UNC13C: variants seen among roughly 807,000 people sequenced by gnomAD.
The protein encoded by UNC13C is unc-13 homolog C.
A neutral mutation model predicts 245.4 loss-of-function variants in UNC13C; 174 were observed. The ratio of observed to expected loss-of-function variants is 0.71; its 90% CI spans 0.63 to 0.80. UNC13C has a LOEUF of 0.80. Among genes scored for constraint, UNC13C ranks in the 30% least tolerant of loss-of-function variants. The probability of loss-of-function intolerance (pLI) is 0.00; values close to 1 mark genes in which losing one functional copy is unlikely to be tolerated. For missense variants in UNC13C, 2,829 were observed against 2,602.9 expected (o/e 1.09, Z -1.89); for synonymous variants, 992 against 895.1 (o/e 1.11, Z -1.93).
chr15:54,201,565 A>C (rs1291151648), intron 4 of UNC13C, among the ~76,000 whole-genome samples: 1 of 152,048 alleles, frequency 6.6e-6, no homozygotes, highest in Non-Finnish European at 1.5e-5. Context: ...AACAAAAGTC[A>C]CATGATTATC....
intron 19 of UNC13C, among the ~76,000 whole-genome samples, chr15:54,471,304 C>T (rs1892451354): frequency 6.6e-6 from 1 of 151,518 alleles, no homozygotes; most frequent in African/African-American, 2.4e-5. Flanking sequence ...CTGAAATTCC[C>T]TACAATGATT....
intron 19 of UNC13C, among the ~76,000 whole-genome samples, chr15:54,477,758 G>A (rs1391757738): frequency 6.8e-6 from 1 of 146,744 alleles, no homozygotes; most frequent in Non-Finnish European, 1.5e-5. Flanking sequence ...AAGGATATTG[G>A]TCTAAAATTC....
the UNC13C span, among the ~76,000 whole-genome samples, chr15:53,933,713 G>GT: frequency 5.9e-4 from 90 of 152,230 alleles, no homozygotes; most frequent in East Asian, 4.8e-3. Flanking sequence ...TGCTCCCTCT[G>GT]TTTTCTCAGC....
intron 19 of UNC13C, among the ~76,000 whole-genome samples, chr15:54,422,984 A>AC (rs2040682035): frequency 9.1e-6 from 1 of 109,568 alleles, no homozygotes; most frequent in Admixed American, 9.4e-5. Flanking sequence ...CACACACACA[A>AC]CGAAAAAAAA....
intron 2 of UNC13C, among the ~76,000 whole-genome samples, chr15:54,142,158 C>T (rs1414316564): frequency 6.6e-6 from 1 of 152,112 alleles, no homozygotes; most frequent in Non-Finnish European, 1.5e-5. Flanking sequence ...ATCCTATGAC[C>T]AGGCAAATTT....
intron 17 of UNC13C, among the ~76,000 whole-genome samples, chr15:54,383,848 G>T (rs1475227447): frequency 6.6e-6 from 1 of 151,996 alleles, no homozygotes; most frequent in Non-Finnish European, 1.5e-5. Flanking sequence ...ACAAAAATCA[G>T]TAGCATTTCT....
At chr15:54,410,499 C>T (rs1451147302) in intron 18 of UNC13C, among the ~76,000 whole-genome samples, 1 of 151,856 alleles carries the variant, frequency 6.6e-6, no homozygotes, top group Non-Finnish European at 1.5e-5. Context: ...TTATAGTTTC[C>T]AGTTTTACAT....
chr15:54,425,174 C>G (rs940555746), intron 19 of UNC13C, among the ~76,000 whole-genome samples: 3 of 151,806 alleles, frequency 2.0e-5, no homozygotes, highest in Non-Finnish European at 2.9e-5. Flanking sequence ...TTAGTACCAT[C>G]ACTAGAATGA....
chr15:54,476,090 G>T (rs1892724083), intron 19 of UNC13C, among the ~76,000 whole-genome samples: 1 of 112,832 alleles, frequency 8.9e-6, no homozygotes. Context: ...GTGTCTTTTG[G>T]CTGCATAAAT....
intron 19 of UNC13C, among the ~76,000 whole-genome samples, chr15:54,430,492 G>C (rs1463383828): frequency 6.6e-6 from 1 of 151,404 alleles, no homozygotes; most frequent in Non-Finnish European, 1.5e-5. Context: ...TGAAGGTTTA[G>C]ACATTTTTTA....
At chr15:54,134,064 G>GTGTGTGTA (rs1257598425) in intron 2 of UNC13C, among the ~76,000 whole-genome samples, 1 of 151,968 alleles carries the variant, frequency 6.6e-6, no homozygotes, top group African/African-American at 2.4e-5. Context: ...GTGTGTGTGT[G>GTGTGTGTA]TGTGTGTGTG....
chr15:54,227,554 G>A (rs2035425209), intron 4 of UNC13C, among the ~76,000 whole-genome samples: 1 of 152,186 alleles, frequency 6.6e-6, no homozygotes, highest in Non-Finnish European at 1.5e-5. Flanking sequence ...GACCGAGGGG[G>A]CAGGGGGGTA....
the UNC13C span, among the ~76,000 whole-genome samples, chr15:53,854,270 A>C: frequency 1.3e-5 from 2 of 151,510 alleles, no homozygotes; most frequent in African/African-American, 4.8e-5. Flanking sequence ...ACAGGCACAC[A>C]CCACCATGCC....
intron 10 of UNC13C, among the ~76,000 whole-genome samples, chr15:54,291,751 T>C (rs899508289): frequency 6.6e-6 from 1 of 152,014 alleles, no homozygotes; most frequent in Non-Finnish European, 1.5e-5. Context: ...CTCAACCCTG[T>C]CAGACCCAGT....
chr15:54,373,918 G>T (rs1356677707), intron 17 of UNC13C, among the ~76,000 whole-genome samples: 1 of 152,124 alleles, frequency 6.6e-6, no homozygotes, highest in African/African-American at 2.4e-5. Context: ...GCTCTCTGGA[G>T]ACTCGAAGTG....
chr15:54,032,812 AAATGAACT>A lies in UNC13C; in HGVS notation c.2983+16931_2983+16938del, dbSNP rs569499412. Among the ~76,000 whole-genome samples, 188 of 152,348 alleles carry A rather than the reference AAATGAACT, an allele frequency of 1.2e-3. 1 individual carries two copies. The highest frequency in any genetic ancestry group is 4.4e-3 in the African/African-American group (183 of 41,582). On this transcript the variant is annotated intron_variant, in intron 2 of 32. Transcript: ENST00000260323. ...CTGATATTAAAATAGATTTTCCTTT[AAATGAACT>A]AATGGGATTTGCAGGAATCCGGATG...
At chr15:54,150,372 G>A (rs1356692230) in intron 4 of UNC13C, among the ~76,000 whole-genome samples, 1 of 152,202 alleles carries the variant, frequency 6.6e-6, no homozygotes, top group Non-Finnish European at 1.5e-5. Flanking sequence ...AGACTTCAGG[G>A]AGTACGCCTA....
chr15:54,612,270 G>A (rs1900143614), intron 30 of UNC13C, among the ~76,000 whole-genome samples: 1 of 110,490 alleles, frequency 9.1e-6, no homozygotes, highest in Non-Finnish European at 1.8e-5. Context: ...ATATGCTAAT[G>A]TGATAAGCAA....
intron 17 of UNC13C, among the ~76,000 whole-genome samples, chr15:54,371,677 C>T (rs1196272680): frequency 6.6e-6 from 1 of 151,176 alleles, no homozygotes; most frequent in Non-Finnish European, 1.5e-5. Flanking sequence ...TTTACCACAG[C>T]TTTAAAATAA....
Sources: gnomAD v4.1 joint callset for allele counts (sites outside exome capture counted in the v4.1 genomes callset) on GRCh38, gnomAD v4.1.1 for gene constraint, MANE v1.5 for transcripts, NCBI Gene and HGNC (gene_info 2026-07-23, HGNC 2026-07-21) for gene names.